CACNA1E: variants seen among roughly 807,000 people sequenced by gnomAD.
The protein encoded by CACNA1E is voltage-dependent R-type calcium channel subunit alpha-1E.
In CACNA1E, 40 loss-of-function variants were observed where a neutral mutation model predicts 259.2. The ratio of observed to expected loss-of-function variants is 0.15; its 90% CI spans 0.12 to 0.20. The LOEUF is 0.20. Ranked by LOEUF, CACNA1E falls within the 10% of genes least tolerant of loss-of-function variation. The pLI is 1.00. For missense variants in CACNA1E, 1,874 were observed against 3,040.1 expected (o/e 0.62, Z 9.02); for synonymous variants, 1,104 against 1,138.5 (o/e 0.97, Z 0.61).
chr1:181,565,296 C>T (rs1649707092), intron 3 of CACNA1E, among the ~76,000 whole-genome samples: 1 of 152,204 alleles, frequency 6.6e-6, no homozygotes, highest in African/African-American at 2.4e-5. Flanking sequence ...ACAAAACTGC[C>T]ACGCTGCAGG....
chr1:181,528,699 T>C (rs1220238), intron 3 of CACNA1E, among the ~76,000 whole-genome samples: 24,396 of 152,208 alleles, frequency 0.16, 2,093 homozygotes, highest in African/African-American at 0.2. Context: ...GTTATGTTTT[T>C]GCAAAGAGAC....
intron 7 of CACNA1E, among the ~76,000 whole-genome samples, chr1:181,664,390 A>T (rs1647997855): frequency 6.6e-6 from 1 of 152,196 alleles, no homozygotes; most frequent in African/African-American, 2.4e-5. Context: ...GGGGATTCAA[A>T]AATCCCTGCC....
chr1:181,379,816 AAG>A (rs771625754), intron 1 of CACNA1E, among the ~76,000 whole-genome samples: 52 of 152,204 alleles, frequency 3.4e-4, no homozygotes, highest in Non-Finnish European at 6.0e-4. Flanking sequence ...GCACATGATA[AAG>A]AGAAAATCTT....
chr1:181,368,010 C>A (rs990332474), intron 1 of CACNA1E, among the ~76,000 whole-genome samples: 6 of 152,152 alleles, frequency 3.9e-5, no homozygotes, highest in African/African-American at 1.4e-4. Flanking sequence ...GCAGGCAGAT[C>A]ACTTGAGGCC....
chr1:181,792,589 C>T (rs745959444), intron 44 of CACNA1E, among the ~76,000 whole-genome samples: 36 of 152,208 alleles, frequency 2.4e-4, no homozygotes, highest in Non-Finnish European at 2.8e-4. Flanking sequence ...TGGGAAAGTA[C>T]CCCTGCCATA....
intron 1 of CACNA1E, among the ~76,000 whole-genome samples, chr1:181,327,401 A>G: frequency 6.6e-6 from 1 of 152,204 alleles, no homozygotes; most frequent in South Asian, 2.1e-4. Context: ...TATGTGGTAT[A>G]TATATATCTG....
At chr1:181,627,087 G>A (rs6691980) in intron 6 of CACNA1E, among the ~76,000 whole-genome samples, 29,514 of 152,076 alleles carry the variant, frequency 0.19, 3,247 homozygotes, top group South Asian at 0.35. Flanking sequence ...AACTTTTATA[G>A]TTAGAAGAAA....
intron 1 of CACNA1E, among the ~76,000 whole-genome samples, chr1:181,335,892 T>G (rs1651671531): frequency 6.6e-6 from 1 of 152,178 alleles, no homozygotes; most frequent in Non-Finnish European, 1.5e-5. Flanking sequence ...GCCCCCACCC[T>G]AGAGCACCAC....
At chr1:181,397,760 G>T (rs1416086746) in intron 1 of CACNA1E, among the ~76,000 whole-genome samples, 1 of 152,150 alleles carries the variant, frequency 6.6e-6, no homozygotes, top group African/African-American at 2.4e-5. Context: ...CCCTCTCCCT[G>T]CTGAGCTCCG....
chr1:181,512,151 T>C (rs770477826), intron 3 of CACNA1E, among the ~76,000 whole-genome samples: 6 of 152,256 alleles, frequency 3.9e-5, no homozygotes, highest in Non-Finnish European at 8.8e-5. Context: ...AGTTAAATAT[T>C]TGATAAATCA....
intron 2 of CACNA1E, among the ~76,000 whole-genome samples, chr1:181,424,519 C>T (rs1380842527): frequency 6.6e-6 from 1 of 152,228 alleles, no homozygotes; most frequent in African/African-American, 2.4e-5. Flanking sequence ...TCTGTGCTTG[C>T]AGTGGAGACC....
At chr1:181,739,322 C>A in intron 25 of CACNA1E, 69 bp downstream of exon 25, 5 of 1,069,606 alleles carry the variant, frequency 4.7e-6, no homozygotes, top group Non-Finnish European at 7.3e-6. Flanking sequence ...TGATTTGAAG[C>A]CCTTTCCAGA....
Position 181,469,218 on chromosome 1 carries a change from C to T in CACNA1E, c.435-14526C>T, listed in dbSNP as rs191782300. Among the ~76,000 whole-genome samples, 14 of 152,218 alleles carry T rather than the reference C, an allele frequency of 9.2e-5. No individual in the cohort carries two copies. The East Asian group carries it at 2.5e-3, about 27-fold the overall frequency. ...GGAAGATGGATGAGGAGACTCTGCC[C>T]ATCTCCTGAATGGAAGGTAATACTG... On this transcript the variant is annotated intron_variant, in intron 2 of 11. Coordinates refer to the CACNA1E transcript ENST00000524607.
chr1:181,427,665 C>T (rs1222370158), intron 2 of CACNA1E, among the ~76,000 whole-genome samples: 1 of 140,748 alleles, frequency 7.1e-6, no homozygotes, highest in Non-Finnish European at 1.5e-5. Context: ...TCAACCCCTC[C>T]CCCACCTCAA....
intron 7 of CACNA1E, among the ~76,000 whole-genome samples, chr1:181,710,614 A>G (rs1490815650): frequency 1.3e-5 from 2 of 152,176 alleles, no homozygotes; most frequent in South Asian, 2.1e-4. Flanking sequence ...TGCCCTTCAG[A>G]GGGTTAAGGG....
intron 2 of CACNA1E, among the ~76,000 whole-genome samples, chr1:181,445,735 C>T (rs1212790875): frequency 6.6e-6 from 1 of 152,232 alleles, no homozygotes; most frequent in East Asian, 1.9e-4. Context: ...AAAATTGTAG[C>T]TCTTGACAGA....
intron 2 of CACNA1E, among the ~76,000 whole-genome samples, chr1:181,423,004 T>A (rs1396827830): frequency 6.6e-6 from 1 of 152,214 alleles, no homozygotes; most frequent in Non-Finnish European, 1.5e-5. Context: ...TCCACTACCA[T>A]AATAACCCTA....
chr1:181,588,866 G>A (rs1652349882), intron 6 of CACNA1E, among the ~76,000 whole-genome samples: 1 of 152,220 alleles, frequency 6.6e-6, no homozygotes, highest in East Asian at 1.9e-4. Flanking sequence ...GTGCGTTGGT[G>A]ACTCAATGGC....
At chr1:181,524,071 G>A (rs545940790) in intron 3 of CACNA1E, among the ~76,000 whole-genome samples, 29 of 152,292 alleles carry the variant, frequency 1.9e-4, no homozygotes, top group Admixed American at 5.2e-4. Flanking sequence ...TGCCAGTGAG[G>A]CCCCACCACC....
Sources: allele counts gnomAD v4.1 joint callset (sites outside exome capture counted in the v4.1 genomes callset), GRCh38; gene constraint gnomAD v4.1.1; transcripts MANE v1.5; gene names NCBI Gene and HGNC (gene_info 2026-07-23, HGNC 2026-07-21).